IMMP2L: variants seen among roughly 807,000 people sequenced by gnomAD.
The protein encoded by IMMP2L is inner mitochondrial membrane peptidase subunit 2.
Under a neutral mutation model 19.3 loss-of-function variants are expected in IMMP2L, and 18 were observed. The ratio of observed to expected loss-of-function variants is 0.93; its 90% CI spans 0.64 to 1.38. IMMP2L has a LOEUF of 1.38. Among genes scored for constraint, IMMP2L ranks in the 40% most tolerant of loss-of-function variants. The probability of loss-of-function intolerance (pLI) is 0.00; values close to 1 mark genes in which losing one functional copy is unlikely to be tolerated. For missense variants in IMMP2L, 233 were observed against 218.2 expected (o/e 1.07, Z -0.43); for synonymous variants, 76 against 73.0 (o/e 1.04, Z -0.21).
At chr7:110,695,060 G>C (rs1793785606) in intron 5 of IMMP2L, among the ~76,000 whole-genome samples, 1 of 152,154 alleles carries the variant, frequency 6.6e-6, no homozygotes, top group Non-Finnish European at 1.5e-5. Context: ...GGGGTGTGAG[G>C]ATAGGGAAAT....
At chr7:111,166,594 C>T (rs190539003) in intron 3 of IMMP2L, among the ~76,000 whole-genome samples, 136 of 152,066 alleles carry the variant, frequency 8.9e-4, no homozygotes, top group African/African-American at 3.2e-3. Flanking sequence ...GTATTAGTTT[C>T]CTAGGGCTGC....
At position 111,536,972 on chromosome 7, in the gene IMMP2L, T is replaced by A. The variant is rs556390079; in HGVS notation, c.-2-15523A>T. ...TGAAATTGTCTGCATCTAAAGGACATGTCAGGAAAAGCAGAGAAATCTTAC... is the reference window on the plus strand; with the variant it reads ...TGAAATTGTCTGCATCTAAAGGACAAGTCAGGAAAAGCAGAGAAATCTTAC... On this transcript the variant is annotated intron_variant, in intron 1 of 5. Transcript: ENST00000405709. Among the ~76,000 whole-genome samples the A allele has an allele frequency of 2.0e-5, 3 of 152,146 alleles. No homozygotes were observed. In the South Asian group the frequency reaches 6.2e-4, roughly 32 times the overall value.
At chr7:110,695,191 T>C (rs536919832) in intron 5 of IMMP2L, among the ~76,000 whole-genome samples, 1 of 152,274 alleles carries the variant, frequency 6.6e-6, no homozygotes, top group South Asian at 2.1e-4. Context: ...GTTCACTTTT[T>C]ATTGTTTGTC....
At chr7:111,064,082 G>A (rs1794274574) in intron 3 of IMMP2L, among the ~76,000 whole-genome samples, 1 of 152,084 alleles carries the variant, frequency 6.6e-6, no homozygotes, top group Non-Finnish European at 1.5e-5. Flanking sequence ...CCTGAGGCTG[G>A]GAAATTTATA....
rs191023229 is a variant in IMMP2L at position 110,853,129 on chromosome 7, T to C, written c.408+33464A>G. ...TTGCATACACACACACACGCATATA[T>C]CTGAGTACACACACACACACAAACA... On this transcript the variant is annotated intron_variant, in intron 5 of 5. Transcript: ENST00000405709. Among the ~76,000 whole-genome samples, 413 of 151,924 alleles carry C rather than the reference T, an allele frequency of 2.7e-3. 1 individual carries two copies. Among genetic ancestry groups the C allele is most frequent in the Middle Eastern group, 0.01 (3 of 294 alleles).
intron 5 of IMMP2L, among the ~76,000 whole-genome samples, chr7:110,737,488 C>T (rs553256950): frequency 6.6e-6 from 1 of 152,110 alleles, no homozygotes. Flanking sequence ...GGGAACCATA[C>T]CCCCATCTGC....
In IMMP2L at chr7:110,963,531, T is replaced by C; in HGVS notation, c.274A>G (p.Arg92Gly). Reference protein sequence around the residue: ...PKNPEQKIIKRVIALEGDIVR... With the variant: ...PKNPEQKIIKGVIALEGDIVR... The stretch of plus-strand genomic sequence containing the variant: ...ATATCTCCTTCAAGAGCAATCACTC[T>C]CTTAATGATCTTCTGTTCTGGGTTT... The change falls in exon 4 of 6, where the codon AGA becomes GGA. Residue 92 changes from arginine (R) to glycine (G), a missense_variant. Coordinates refer to ENST00000405709, the MANE Select transcript of IMMP2L (RefSeq NM_032549.4). 1 of 1,603,778 alleles carries C rather than the reference T, an allele frequency of 6.2e-7. No individual in the cohort carries two copies. Among genetic ancestry groups the C allele is most frequent in the Non-Finnish European group, 8.5e-7 (1 of 1,172,506 alleles).
At chr7:111,501,872 C>A (rs1844301409) in intron 2 of IMMP2L, among the ~76,000 whole-genome samples, 3 of 152,082 alleles carry the variant, frequency 2.0e-5, no homozygotes, top group Admixed American at 6.6e-5. Flanking sequence ...CAAAACATGC[C>A]AAAATGTAAA....
At chr7:111,513,434 G>C (rs1342893146) in intron 2 of IMMP2L, among the ~76,000 whole-genome samples, 5 of 152,056 alleles carry the variant, frequency 3.3e-5, no homozygotes, top group Admixed American at 2.0e-4. Flanking sequence ...TGTTAGGAAG[G>C]CTATTATCAG....
chr7:111,405,508 G>A (rs1319014056), intron 3 of IMMP2L, among the ~76,000 whole-genome samples: 4 of 152,138 alleles, frequency 2.6e-5, no homozygotes, highest in Admixed American at 6.5e-5. Context: ...GAATATCAAA[G>A]TATAATATCA....
chr7:111,360,790 C>A (rs550519953), intron 3 of IMMP2L, among the ~76,000 whole-genome samples: 3 of 152,066 alleles, frequency 2.0e-5, no homozygotes, highest in African/African-American at 7.2e-5. Flanking sequence ...TGCACTATAG[C>A]CTGGGCGACA....
chr7:111,451,242 G>A (rs1160215303), intron 3 of IMMP2L, among the ~76,000 whole-genome samples: 2 of 146,802 alleles, frequency 1.4e-5, no homozygotes, highest in African/African-American at 5.3e-5. Flanking sequence ...AAATCATGCT[G>A]CTATAAAGAC....
chr7:111,306,230 G>A (rs1411872713), intron 3 of IMMP2L, among the ~76,000 whole-genome samples: 1 of 152,070 alleles, frequency 6.6e-6, no homozygotes, highest in African/African-American at 2.4e-5. Flanking sequence ...CTCTAGCAGT[G>A]GATACATGTT....
intron 3 of IMMP2L, among the ~76,000 whole-genome samples, chr7:111,298,923 AGGG>A (rs1246516947): frequency 6.6e-6 from 1 of 152,114 alleles, no homozygotes; most frequent in Non-Finnish European, 1.5e-5. Flanking sequence ...ACTAAAATAA[AGGG>A]GTTAATATTG....
At chr7:111,500,311 C>T (rs1200679086) in intron 2 of IMMP2L, among the ~76,000 whole-genome samples, 4 of 152,186 alleles carry the variant, frequency 2.6e-5, no homozygotes, top group Non-Finnish European at 5.9e-5. Flanking sequence ...AGCCCTGAAG[C>T]TCGAACTACG....
chr7:111,092,344 C>G (rs529398490), intron 3 of IMMP2L, among the ~76,000 whole-genome samples: 2 of 152,292 alleles, frequency 1.3e-5, no homozygotes, highest in East Asian at 3.9e-4. Flanking sequence ...ATTGTTTGTT[C>G]TAACCAACTG....
At chr7:110,746,408 A>T (rs1261900604) in intron 5 of IMMP2L, among the ~76,000 whole-genome samples, 1 of 152,224 alleles carries the variant, frequency 6.6e-6, no homozygotes, top group Admixed American at 6.5e-5. Flanking sequence ...AAGCAAACCT[A>T]GTAGACATCT....
In IMMP2L at chr7:110,851,387, G is replaced by A. The variant is rs76965285; in HGVS notation, c.408+35206C>T. On this transcript the variant is annotated intron_variant, in intron 5 of 5. Coordinates refer to ENST00000405709, the MANE Select transcript of IMMP2L (RefSeq NM_032549.4). ...TCAAGCAGGTGCATGATGCACAGAG[G>A]AATTAATGCCCCATAAGCAAACTTT... is the stretch of plus-strand genomic sequence containing the variant. Among the ~76,000 whole-genome samples, 734 of 152,244 alleles carry A rather than the reference G, an allele frequency of 4.8e-3. 9 individuals are homozygous for A. The highest frequency in any genetic ancestry group is 0.017 in the African/African-American group (698 of 41,568).
intron 5 of IMMP2L, among the ~76,000 whole-genome samples, chr7:110,841,074 C>T (rs879481190): frequency 6.6e-6 from 1 of 151,964 alleles, no homozygotes; most frequent in Admixed American, 6.6e-5. Context: ...AAGCACTTTT[C>T]AAGTTTTACA....
Sources: gnomAD v4.1 joint callset for allele counts (sites outside exome capture counted in the v4.1 genomes callset) on GRCh38, gnomAD v4.1.1 for gene constraint, MANE v1.5 for transcripts, NCBI Gene and HGNC (gene_info 2026-07-23, HGNC 2026-07-21) for gene names.